The following HK2 variants were observed in gnomAD, a reference collection of about 807,000 sequenced individuals.
HK2 encodes the protein hexokinase 2, also known as hexokinase-2.
In HK2, 42 loss-of-function variants were observed where a neutral mutation model predicts 92.9. That is an observed-to-expected ratio of 0.45 (90% CI 0.35 to 0.58). HK2 has a LOEUF of 0.58. Ranked by LOEUF, HK2 falls within the 20% of genes least tolerant of loss-of-function variation. The pLI is 0.00. For synonymous variants in HK2, 422 were observed against 468.0 expected (o/e 0.90, Z 1.27); for missense variants, 978 against 1,245.1 (o/e 0.79, Z 3.23).
At chr2:74,862,560 CATGGAAGCTGGTTAAA>C (rs564980875) in intron 2 of HK2, among the ~76,000 whole-genome samples, 59 of 152,280 alleles carry the variant, frequency 3.9e-4, no homozygotes, top group African/African-American at 1.3e-3. Context: ...TGATACGTTG[CATGGAAGCTGGTTAAA>C]CCTGAAGGAA....
chr2:74,865,457 G>A (rs968104632), intron 2 of HK2, among the ~76,000 whole-genome samples: 5 of 152,118 alleles, frequency 3.3e-5, no homozygotes, highest in Non-Finnish European at 7.4e-5. Flanking sequence ...TCCTGGACTT[G>A]AGAGTGCTGA....
chr2:74,869,876 C>G (rs748628488), intron 3 of HK2, among the ~76,000 whole-genome samples: 1 of 152,260 alleles, frequency 6.6e-6, no homozygotes, highest in South Asian at 2.1e-4. Context: ...CTTCTTGCAG[C>G]AATGGAACTG....
chr2:74,878,607 G>C, intron 8 of HK2, 81 bp from the exon 9 acceptor site: 1 of 1,096,726 alleles, frequency 9.1e-7, no homozygotes, highest in Non-Finnish European at 1.4e-6. Flanking sequence ...GGAACTAAAG[G>C]GCTTCCTTGC....
intron 16 of HK2, among the ~76,000 whole-genome samples, chr2:74,888,415 C>A (rs1689592380): frequency 6.6e-6 from 1 of 152,244 alleles, no homozygotes; most frequent in Non-Finnish European, 1.5e-5. Flanking sequence ...GAAAGCCCTT[C>A]CTAACTGCTG....
intron 7 of HK2, among the ~76,000 whole-genome samples, chr2:74,875,327 G>GTCGT (rs1689200433): frequency 8.9e-6 from 1 of 112,066 alleles, no homozygotes; most frequent in Non-Finnish European, 1.7e-5. Context: ...CCTTGCTTTC[G>GTCGT]TTTTTTTTTT....
chr2:74,885,782 C>G (rs894999944), intron 13 of HK2, among the ~76,000 whole-genome samples, 193 bp downstream of exon 13: 2 of 150,684 alleles, frequency 1.3e-5, no homozygotes, highest in African/African-American at 4.9e-5. Context: ...TCAGGAGTGA[C>G]CACAACAAAG....
intron 1 of HK2, among the ~76,000 whole-genome samples, chr2:74,845,499 T>C (rs1221095562): frequency 6.6e-6 from 1 of 152,200 alleles, no homozygotes; most frequent in Non-Finnish European, 1.5e-5. Context: ...CTGCCTAAGG[T>C]CTGTCTGGCT....
chr2:74,861,991 C>T (rs1688843492), intron 2 of HK2, among the ~76,000 whole-genome samples: 1 of 152,238 alleles, frequency 6.6e-6, no homozygotes, highest in Non-Finnish European at 1.5e-5. Flanking sequence ...CCTCCATCCT[C>T]TAGCCAGACT....
Position 74,878,831 on chromosome 2 carries a change from C to A in HK2, c.1175C>A (p.Ala392Asp), listed in dbSNP as rs759578113. ...SASLCAATLA[A>D]VLQRIKENKG... ...AGCCTGTGCGCAGCCACCCTGGCCG[C>A]CGTGCTGCAGCGCATCAAGGAGAAC... The change falls in exon 9 of 18, where the codon GCC (alanine) becomes GAC (aspartate). Residue 392 changes from alanine to aspartate, a missense_variant. By Grantham distance (126) the Ala-to-Asp change is moderately radical (BLOSUM62 -2). This residue lies in a region of HK2 where 742 missense variants were observed against 922.5 expected (regional missense o/e 0.80). Transcript: ENST00000290573. 1 of 1,557,588 alleles carries A rather than the reference C, an allele frequency of 6.4e-7. No homozygotes were observed. The highest frequency in any genetic ancestry group is 8.7e-7 in the Non-Finnish European group (1 of 1,150,156).
chr2:74,851,687 C>T lies in HK2; in HGVS notation c.64-2606C>T, dbSNP rs111614635. Among the ~76,000 whole-genome samples, 12 of 152,060 alleles carry T rather than the reference C, an allele frequency of 7.9e-5. 1 individual carries two copies. The highest frequency in any genetic ancestry group is 1.5e-4 in the Non-Finnish European group (10 of 68,008). On this transcript the variant is annotated intron_variant, in intron 1 of 17. Transcript: ENST00000290573. ...GAGGGTGGAGGTGGGGCGGGGGCACCAAGAAGCTTCTGGGCCTCTCTTCTC... is the reference window on the plus strand; with the variant it reads ...GAGGGTGGAGGTGGGGCGGGGGCACTAAGAAGCTTCTGGGCCTCTCTTCTC...
intron 2 of HK2, 148 bp downstream of exon 2, chr2:74,854,603 C>CGGAT: frequency 1.1e-6 from 1 of 880,796 alleles, no homozygotes; most frequent in Non-Finnish European, 1.8e-6. Context: ...GGCTGTGTGA[C>CGGAT]GGATGGACAG....
In HK2 at chr2:74,874,513, C is replaced by A; in HGVS notation, c.875+64C>A. 4 of 1,483,326 alleles carry A rather than the reference C, an allele frequency of 2.7e-6. No homozygotes were observed. The South Asian group carries it at 5.1e-5, about 19-fold the overall frequency. 91.9% of individuals were successfully genotyped at this position (1,483,326 alleles called of 1,614,324 possible). ...GCCTGGAGCTGAGTCTGGGGCTGGT[C>A]GGGGCCAGGGGGTTGTTTCTTTACA... On this transcript the variant is annotated intron_variant, in intron 7 of 17. Coordinates refer to ENST00000290573, the MANE Select transcript of HK2 (RefSeq NM_000189.5).
intron 1 of HK2, among the ~76,000 whole-genome samples, chr2:74,852,627 G>C (rs1413016366): frequency 6.6e-6 from 1 of 151,924 alleles, no homozygotes. Flanking sequence ...TAGATTCCAG[G>C]AGTTGGAAAC....
chr2:74,862,218 A>G (rs1376215917), intron 2 of HK2, among the ~76,000 whole-genome samples: 1 of 152,278 alleles, frequency 6.6e-6, no homozygotes, highest in Non-Finnish European at 1.5e-5. Context: ...GCCCAAAGTC[A>G]CAGTGAGCAA....
intron 1 of HK2, among the ~76,000 whole-genome samples, chr2:74,844,630 C>A (rs1398225452): frequency 6.6e-6 from 1 of 152,160 alleles, no homozygotes; most frequent in Admixed American, 6.5e-5. Flanking sequence ...GTGGGGAGTT[C>A]AGATGCCACT....
At chr2:74,857,012 A>G (rs28362990) in intron 2 of HK2, among the ~76,000 whole-genome samples, 362 of 152,338 alleles carry the variant, frequency 2.4e-3, no homozygotes, top group African/African-American at 8.3e-3. Context: ...TGCTTTCCTG[A>G]AGCTGGAGGC....
In HK2 at chr2:74,874,345, C is replaced by G. The variant is rs758024091; in HGVS notation, c.771C>G (p.Ile257Met). Residue 257 changes from isoleucine to methionine, a missense_variant, in exon 7 of 18, where the codon ATC becomes ATG. Ile to Met is a conservative substitution (Grantham distance 10). Around this residue, in one of 3 missense-constraint regions of HK2, gnomAD observed 742 missense variants for 922.5 expected, o/e 0.80. Transcript: ENST00000290573. Reference protein sequence around the residue: ...MVEGDEGRMCINMEWGAFGDD... With the variant: ...MVEGDEGRMCMNMEWGAFGDD... ...AAGGCGATGAGGGGCGGATGTGTAT[C>G]AATATGGAGTGGGGGGCCTTCGGGG... The G allele has an allele frequency of 6.2e-7, 1 of 1,614,106 alleles. No homozygotes were observed. Among genetic ancestry groups the G allele is most frequent in the Admixed American group, 1.7e-5 (1 of 60,018 alleles).
intron 5 of HK2, 72 bp downstream of exon 5, chr2:74,873,443 T>C: frequency 1.0e-6 from 1 of 980,728 alleles, no homozygotes; most frequent in Non-Finnish European, 1.6e-6. Flanking sequence ...CTGAGTGTCC[T>C]TGACTCATCA....
At chr2:74,838,585 C>T (rs1470767851) in intron 1 of HK2, among the ~76,000 whole-genome samples, 1 of 147,344 alleles carries the variant, frequency 6.8e-6, no homozygotes, top group Non-Finnish European at 1.5e-5. Flanking sequence ...GTCGCCCAGG[C>T]TGGAGTGCAG....
Sources: gnomAD v4.1 joint callset for allele counts (sites outside exome capture counted in the v4.1 genomes callset) on GRCh38, gnomAD v4.1.1 for gene constraint, gnomAD v4.1.1 regional missense constraint, MANE v1.5 for transcripts, NCBI Gene and HGNC (gene_info 2026-07-23, HGNC 2026-07-21) for gene names.